Variants in COL22A1 observed in about 807,000 individuals in gnomAD.
The protein encoded by COL22A1 is collagen type XXII alpha 1 chain.
Under a neutral mutation model 248.9 loss-of-function variants are expected in COL22A1, and 221 were observed. The observed-to-expected ratio is 0.89, with a 90% CI of 0.80 to 0.99. COL22A1 has a LOEUF of 0.99. Among genes scored for constraint, COL22A1 ranks in the 50% least tolerant of loss-of-function variants. COL22A1 has a pLI of 0.00. For synonymous variants in COL22A1, 891 were observed against 793.4 expected (o/e 1.12, Z -2.07); for missense variants, 2,240 against 2,179.0 (o/e 1.03, Z -0.56).
intron 57 of COL22A1, among the ~76,000 whole-genome samples, chr8:138,607,077 G>T (rs2131857781): frequency 6.6e-6 from 1 of 152,218 alleles, no homozygotes; most frequent in South Asian, 2.1e-4. Context: ...ACAAGAGGAG[G>T]GTCTCCGCTA....
chr8:138,771,725 G>A (rs899702490), intron 16 of COL22A1, among the ~76,000 whole-genome samples: 4 of 152,206 alleles, frequency 2.6e-5, no homozygotes, highest in African/African-American at 4.8e-5. Flanking sequence ...ACCGGACGCT[G>A]TTCCTGTTAT....
At chr8:138,886,481 T>C (rs548337168) in intron 1 of COL22A1, among the ~76,000 whole-genome samples, 1 of 152,246 alleles carries the variant, frequency 6.6e-6, no homozygotes, top group African/African-American at 2.4e-5. Flanking sequence ...GGCTGATGGC[T>C]CGGCTACCAC....
chr8:138,614,814 C>T (rs1290011267), intron 55 of COL22A1, among the ~76,000 whole-genome samples: 3 of 152,316 alleles, frequency 2.0e-5, no homozygotes, highest in Middle Eastern at 6.8e-3. Context: ...TAAGAAAGCA[C>T]ATGTGAACTA....
At chr8:138,732,633 TTAA>T (rs1388124990) in intron 23 of COL22A1, among the ~76,000 whole-genome samples, 3 of 152,372 alleles carry the variant, frequency 2.0e-5, no homozygotes. Flanking sequence ...CATCTAATTA[TTAA>T]TGAGTAACAA....
chr8:138,802,793 AT>A (rs1817111528), intron 11 of COL22A1, 78 bp downstream of exon 11: 1 of 1,112,088 alleles, frequency 9.0e-7, no homozygotes, highest in Non-Finnish European at 1.4e-6. Context: ...ACACTTGCTG[AT>A]TTGCATGATC....
chr8:138,911,950 C>T (rs550109652), intron 1 of COL22A1, among the ~76,000 whole-genome samples: 6 of 152,276 alleles, frequency 3.9e-5, no homozygotes, highest in African/African-American at 1.4e-4. Context: ...TGACCATTTC[C>T]CACAGTTGCG....
At chr8:138,666,252 C>T (rs1824494156) in intron 41 of COL22A1, among the ~76,000 whole-genome samples, 1 of 152,146 alleles carries the variant, frequency 6.6e-6, no homozygotes, top group Admixed American at 6.5e-5. Flanking sequence ...CATACAGACA[C>T]ATAGGGAGGT....
At chr8:138,736,237 A>C (rs1413190249) in intron 23 of COL22A1, among the ~76,000 whole-genome samples, 1 of 151,478 alleles carries the variant, frequency 6.6e-6, no homozygotes, top group East Asian at 2.0e-4. Flanking sequence ...GCATGAACTT[A>C]CTGATGCCAG....
At chr8:138,799,075 C>G (rs866005534) in intron 11 of COL22A1, among the ~76,000 whole-genome samples, 1 of 152,116 alleles carries the variant, frequency 6.6e-6, no homozygotes, top group Non-Finnish European at 1.5e-5. Context: ...GATCTATCTT[C>G]AAGAATTCTG....
chr8:138,866,043 G>A (rs1412697070), intron 3 of COL22A1, among the ~76,000 whole-genome samples: 3 of 152,092 alleles, frequency 2.0e-5, no homozygotes, highest in Non-Finnish European at 4.4e-5. Flanking sequence ...GTTTGTGCAT[G>A]TGTTTGTGTG....
chr8:138,703,204 A>T, intron 31 of COL22A1, 102 bp downstream of exon 31: 1 of 1,057,154 alleles, frequency 9.5e-7, no homozygotes, highest in African/African-American at 1.6e-5. Flanking sequence ...AAACTCCAAT[A>T]GGGGAGATAT....
chr8:138,728,988 G>A (rs578082508), intron 23 of COL22A1, among the ~76,000 whole-genome samples: 1 of 152,200 alleles, frequency 6.6e-6, no homozygotes, highest in South Asian at 2.1e-4. Flanking sequence ...ATCCCAGGAA[G>A]AAGCACAACC....
chr8:138,675,012 A>T (rs1825398942), intron 41 of COL22A1, among the ~76,000 whole-genome samples: 1 of 152,252 alleles, frequency 6.6e-6, no homozygotes. Flanking sequence ...ATGTGTTTTA[A>T]GGAAAACAGT....
intron 35 of COL22A1, among the ~76,000 whole-genome samples, chr8:138,692,317 CAT>C (rs1311827832): frequency 6.4e-3 from 31 of 4,842 alleles, no homozygotes; most frequent in East Asian, 0.01. Context: ...TATGTGTGTG[CAT>C]GCGTGTGCAT....
intron 62 of COL22A1, 117 bp from the exon 63 acceptor site, chr8:138,594,316 T>C (rs1817344903): frequency 6.3e-6 from 5 of 789,022 alleles, no homozygotes; most frequent in Admixed American, 3.9e-5. Flanking sequence ...GAAACGGACA[T>C]AGGACAGGAT....
intron 36 of COL22A1, among the ~76,000 whole-genome samples, 197 bp from the exon 37 acceptor site, chr8:138,689,167 G>A (rs1016135098): frequency 4.6e-5 from 7 of 151,506 alleles, no homozygotes; most frequent in African/African-American, 1.7e-4. Flanking sequence ...CCGGGGGGGG[G>A]GCTGGCCTTG....
intron 12 of COL22A1, among the ~76,000 whole-genome samples, chr8:138,783,299 A>T (rs36048514): frequency 0.29 from 43,696 of 151,252 alleles, 6,737 homozygotes; most frequent in African/African-American, 0.39. Context: ...ATATATATAT[A>T]TTTTTTTCAA....
rs191449694 is a variant in COL22A1, at chr8:138,717,469, G to T, written c.2356-600C>A. ...GCCAGAATTTATTTTTTTATTTTTA[G>T]TTTTAGTTTTTTTAGAGACAGGGTC... On this transcript the variant is annotated intron_variant, in intron 27 of 64. Coordinates refer to ENST00000303045, the MANE Select transcript of COL22A1 (RefSeq NM_152888.3). Among the ~76,000 whole-genome samples the T allele has an allele frequency of 3.8e-3, 578 of 151,974 alleles. 9 individuals are homozygous for T. Among genetic ancestry groups the T allele is most frequent in the African/African-American group, 0.011 (458 of 41,450 alleles).
At chr8:138,634,646 G>A (rs1361325587) in intron 49 of COL22A1, among the ~76,000 whole-genome samples, 2 of 152,042 alleles carry the variant, frequency 1.3e-5, no homozygotes, top group African/African-American at 4.8e-5. Flanking sequence ...CCCATAACAT[G>A]GGGAAAGCTG....
Sources: gnomAD v4.1 joint callset for allele counts (sites outside exome capture counted in the v4.1 genomes callset) on GRCh38, gnomAD v4.1.1 for gene constraint, MANE v1.5 for transcripts, NCBI Gene and HGNC (gene_info 2026-07-23, HGNC 2026-07-21) for gene names.